EVC: variants seen among roughly 807,000 people sequenced by gnomAD.
EVC encodes EvC ciliary complex subunit 1.
Under a neutral mutation model 118.9 loss-of-function variants are expected in EVC, and 116 were observed. That is an observed-to-expected ratio of 0.98 (90% CI 0.84 to 1.14). EVC has a LOEUF of 1.14. EVC is among the 50% of genes most tolerant of loss of function. The probability of loss-of-function intolerance (pLI) is 0.00; values close to 1 mark genes in which losing one functional copy is unlikely to be tolerated. For synonymous variants in EVC, 619 were observed against 534.7 expected (o/e 1.16, Z -2.18); for missense variants, 1,401 against 1,246.4 (o/e 1.12, Z -1.87).
chr4:5,741,521 A>G (rs1490705235), intron 5 of EVC, among the ~76,000 whole-genome samples, 195 bp from the exon 6 acceptor site: 1 of 152,234 alleles, frequency 6.6e-6, no homozygotes, highest in Non-Finnish European at 1.5e-5. Flanking sequence ...AATGTAATGC[A>G]TTATGGGCCA....
rs189893422 is a variant in EVC, at chr4:5,718,160, A to T, written c.175-1088A>T. On this transcript the variant is annotated intron_variant, in intron 1 of 20. Coordinates refer to ENST00000264956, the MANE Select transcript of EVC (RefSeq NM_153717.3). Reference sequence around the variant, plus strand: ...TTATTCATGGTAGTTATGTTCTGTAAACTCACTGAGAACACAGCATTAGCG... The same window carrying T: ...TTATTCATGGTAGTTATGTTCTGTATACTCACTGAGAACACAGCATTAGCG... 5.3e-5 allele frequency among the ~76,000 whole-genome samples: 8 copies of T among 152,316 alleles called. No individual in the cohort carries two copies. In the East Asian group the frequency reaches 9.6e-4, roughly 18 times the overall value.
chr4:5,740,836 G>A (rs1201977126), intron 5 of EVC, among the ~76,000 whole-genome samples: 1 of 152,150 alleles, frequency 6.6e-6, no homozygotes, highest in Non-Finnish European at 1.5e-5. Context: ...ACGTAAAAAG[G>A]TGTTCAATGT....
the EVC span, chr4:5,828,403 T>C: frequency 6.6e-7 from 1 of 1,521,768 alleles, no homozygotes; most frequent in Non-Finnish European, 8.8e-7. Flanking sequence ...CATTATTAAC[T>C]CTGCACACGT....
At position 5,731,471 on chromosome 4, in the gene EVC, A is replaced by G; in HGVS notation, c.431A>G (p.Lys144Arg). The part of the protein sequence containing the change: ...SSNPSLHENL[K>R]QAVLPHQPVE... ...AACCCGTCTCTGCATGAAAACTTAA[A>G]GCAGGCTGTTTTGCCACACCAGCCG... Residue 144 changes from lysine to arginine, a missense_variant, in exon 4 of 21, where the codon AAG becomes AGG. Physicochemically the swap from Lys to Arg is conservative, Grantham distance 26. Coordinates refer to ENST00000264956, the MANE Select transcript of EVC (RefSeq NM_153717.3). This position sits in a 1 kb window ranked among gnomAD's most constrained non-coding sequence, Gnocchi z 5.6. The G allele has an allele frequency of 1.9e-6, 3 of 1,613,474 alleles. No individual in the cohort carries two copies. Among genetic ancestry groups the G allele is most frequent in the Non-Finnish European group, 2.5e-6 (3 of 1,179,908 alleles).
intron 4 of EVC, among the ~76,000 whole-genome samples, chr4:5,732,508 G>C (rs1327204688): frequency 2.6e-5 from 4 of 152,246 alleles, no homozygotes; most frequent in Non-Finnish European, 5.9e-5. Context: ...GTTTGGGTGG[G>C]AGAGTCATCA....
chr4:5,825,369 A>G, the EVC span: 1 of 1,447,112 alleles, frequency 6.9e-7, no homozygotes, highest in Non-Finnish European at 9.0e-7. The surrounding 1 kb of genome is among the most constrained non-coding windows in gnomAD (Gnocchi z 4.4). Context: ...CGGGTGGGGC[A>G]CACTCCCTTC....
intron 17 of EVC, among the ~76,000 whole-genome samples, chr4:5,806,402 A>G (rs1715919831): frequency 1.3e-5 from 2 of 152,076 alleles, no homozygotes; most frequent in South Asian, 2.1e-4. Flanking sequence ...CGCTGTGTCC[A>G]TGTGCACACA....
chr4:5,794,271 A>ATATATATTTT (rs1713382370), intron 13 of EVC, among the ~76,000 whole-genome samples: 6 of 111,480 alleles, frequency 5.4e-5, no homozygotes, highest in African/African-American at 3.2e-5. Flanking sequence ...TTATATATTT[A>ATATATATTTT]TATATATTTA....
chr4:5,765,977 T>G (rs1193933538), intron 11 of EVC, among the ~76,000 whole-genome samples: 2 of 132,364 alleles, frequency 1.5e-5, no homozygotes, highest in Non-Finnish European at 3.3e-5. Flanking sequence ...GCTCGTTAGT[T>G]GATGCAGTTT....
chr4:5,782,887 A>G (rs1350628911), intron 11 of EVC, among the ~76,000 whole-genome samples: 1 of 152,208 alleles, frequency 6.6e-6, no homozygotes, highest in Non-Finnish European at 1.5e-5. Flanking sequence ...AAAATAATCT[A>G]GATGGTGACC....
chr4:5,816,666 CT>C (rs1409123316), downstream of EVC, among the ~76,000 whole-genome samples: 2 of 147,728 alleles, frequency 1.4e-5, no homozygotes, highest in African/African-American at 5.0e-5. Flanking sequence ...CCTCCTTCCC[CT>C]CTCTCCCTTC....
intron 11 of EVC, among the ~76,000 whole-genome samples, chr4:5,761,819 G>A (rs1307890518): frequency 6.6e-6 from 1 of 151,760 alleles, no homozygotes; most frequent in Non-Finnish European, 1.5e-5. Flanking sequence ...CGACCTTTAC[G>A]GCACCGGGAA....
chr4:5,788,341 A>G (rs1219459949), intron 12 of EVC, among the ~76,000 whole-genome samples: 1 of 152,140 alleles, frequency 6.6e-6, no homozygotes, highest in Non-Finnish European at 1.5e-5. Flanking sequence ...ACTGGAGAAG[A>G]GTCACTTCTG....
chr4:5,810,559 T>A, intron 20 of EVC, 109 bp downstream of exon 20: 1 of 819,650 alleles, frequency 1.2e-6, no homozygotes, highest in Non-Finnish European at 2.1e-6. Flanking sequence ...TCAGAGGCAT[T>A]AAATGTGAAG....
rs1039097904 is a variant in EVC, at chr4:5,738,436, G to T, written c.703-3280G>T. Reference sequence around the variant, plus strand: ...AAATTGCTATCGAATAGCATGGCACGCTGCAGAGAAATCTTTTGTGAAAGG... The same window carrying T: ...AAATTGCTATCGAATAGCATGGCACTCTGCAGAGAAATCTTTTGTGAAAGG... On this transcript the variant is annotated intron_variant, in intron 5 of 20. Transcript: ENST00000264956. This position sits in a 1 kb window ranked among gnomAD's most constrained non-coding sequence, Gnocchi z 6.5. 6.6e-6 allele frequency among the ~76,000 whole-genome samples: 1 copy of T among 152,070 alleles called. No homozygotes were observed. The highest frequency in any genetic ancestry group is 1.5e-5 in the Non-Finnish European group (1 of 68,012).
intron 1 of EVC, among the ~76,000 whole-genome samples, chr4:5,714,168 C>T (rs753365073): frequency 1.5e-4 from 23 of 152,212 alleles, no homozygotes; most frequent in Non-Finnish European, 2.9e-4. Flanking sequence ...ACTAGGGAAG[C>T]CTTAACCTTC....
downstream of EVC, among the ~76,000 whole-genome samples, chr4:5,819,215 A>G (rs1718118672): frequency 6.6e-6 from 1 of 152,234 alleles, no homozygotes; most frequent in African/African-American, 2.4e-5. Flanking sequence ...CTACTGTGGT[A>G]GGCAGAATAA....
In EVC at chr4:5,756,198, C is replaced by T; in HGVS notation, c.1465-66C>T. On this transcript the variant is annotated intron_variant, in intron 10 of 20. Coordinates refer to ENST00000264956, the MANE Select transcript of EVC (RefSeq NM_153717.3). This position sits in a 1 kb window ranked among gnomAD's most constrained non-coding sequence, Gnocchi z 4.2. ...TGAGATGCAGGGGATGGTTGGAGAA[C>T]CTTCTGGAAAAAAAAAAAAAAACCC... 2 of 1,277,056 alleles carry T rather than the reference C, an allele frequency of 1.6e-6. No homozygotes were observed. Among genetic ancestry groups the T allele is most frequent in the South Asian group, 1.3e-5 (1 of 78,362 alleles). The allele number at this position is 1,277,056 out of a possible 1,614,324, so 79.1% of individuals were successfully genotyped here. A position where few individuals can be genotyped will look rare whatever the true frequency, so the allele number is the denominator to read the frequency against.
chr4:5,788,805 C>T (rs1452454920), intron 12 of EVC, among the ~76,000 whole-genome samples: 3 of 152,196 alleles, frequency 2.0e-5, no homozygotes, highest in Non-Finnish European at 2.9e-5. Flanking sequence ...CAGAGTGATA[C>T]GTTTAAGACA....
Sources: allele counts gnomAD v4.1 joint callset (sites outside exome capture counted in the v4.1 genomes callset), GRCh38; gene constraint gnomAD v4.1.1; non-coding constraint Gnocchi (gnomAD v3.1); transcripts MANE v1.5; gene names NCBI Gene and HGNC (gene_info 2026-07-23, HGNC 2026-07-21).